TAF1B: variants seen among roughly 807,000 people sequenced by gnomAD.
The protein encoded by TAF1B is TATA box-binding protein-associated factor RNA polymerase I subunit B.
TAF1B carries 61 observed loss-of-function variants against 83.9 expected under a neutral mutation model. The observed-to-expected ratio is 0.73, with a 90% confidence interval of 0.59 to 0.90. The LOEUF is 0.90. Ranked by LOEUF, TAF1B falls within the 40% of genes least tolerant of loss-of-function variation. The pLI, the probability that TAF1B is intolerant of heterozygous loss-of-function variation, is 0.00. For synonymous variants in TAF1B, 221 were observed against 224.6 expected (o/e 0.98, Z 0.14); for missense variants, 625 against 677.0 (o/e 0.92, Z 0.85).
intron 4 of TAF1B, among the ~76,000 whole-genome samples, chr2:9,852,308 T>C (rs906926468): frequency 6.6e-6 from 1 of 152,244 alleles, no homozygotes; most frequent in Non-Finnish European, 1.5e-5. Flanking sequence ...TTGAATTTCA[T>C]ATTCCTTCAT....
intron 5 of TAF1B, among the ~76,000 whole-genome samples, chr2:9,863,030 C>T (rs1390266537): frequency 1.3e-5 from 2 of 152,188 alleles, no homozygotes; most frequent in Non-Finnish European, 2.9e-5. Context: ...GAAGAAACTG[C>T]ATCAACTAAC....
In TAF1B at chr2:9,845,118, A is replaced by T. The variant is rs76407483; in HGVS notation, c.19-102A>T. The T allele has an allele frequency of 0.056, 39,838 of 710,508 alleles. 1,356 individuals are homozygous for T. Among genetic ancestry groups the T allele is most frequent in the African/African-American group, 0.074 (4,055 of 55,158 alleles). 44.0% of individuals were successfully genotyped at this position (710,508 alleles called of 1,614,324 possible). On this transcript the variant is annotated intron_variant, in intron 1 of 14. Transcript: ENST00000263663. The stretch of plus-strand genomic sequence containing the variant: ...TTTTTATTGTCTATGATTTTTTATT[A>T]ATAAAGTTGCCAGGAACCCATTAAA...
intron 8 of TAF1B, among the ~76,000 whole-genome samples, chr2:9,896,639 AAAAG>A (rs1258475911): frequency 3.7e-5 from 5 of 133,942 alleles, no homozygotes; most frequent in Non-Finnish European, 5.2e-5. Context: ...AAAAAAAAAA[AAAAG>A]CTTTAAAAAC....
Position 9,910,777 on chromosome 2 carries a change from G to A in TAF1B, c.997G>A (p.Gly333Arg). The change falls in exon 10 of 15, where the codon GGA (glycine) becomes AGA (arginine). Residue 333 changes from glycine (G) to arginine (R), a missense_variant. Coordinates refer to ENST00000263663, the MANE Select transcript of TAF1B (RefSeq NM_005680.3). Reference protein sequence around the residue: ...SLTCHVVKMTGMGEVDFLTFD... With the variant: ...SLTCHVVKMTRMGEVDFLTFD... The stretch of plus-strand genomic sequence containing the variant: ...AACTTGCCACGTGGTAAAAATGACT[G>A]GAATGGGAGAAGTGGATTTTCTGAC... The A allele has an allele frequency of 6.2e-7, 1 of 1,612,818 alleles. No homozygotes were observed.
intron 2 of TAF1B, among the ~76,000 whole-genome samples, chr2:9,848,779 G>A (rs2125133967): frequency 6.6e-6 from 1 of 152,198 alleles, no homozygotes; most frequent in East Asian, 1.9e-4. Context: ...TTGTGGGAGA[G>A]CCAGAATCTT....
chr2:9,873,964 T>G (rs941420004), intron 6 of TAF1B, among the ~76,000 whole-genome samples: 2 of 152,092 alleles, frequency 1.3e-5, no homozygotes, highest in African/African-American at 4.8e-5. Flanking sequence ...GCTTCCATGT[T>G]TTAAAACTCT....
chr2:9,926,637 G>A (rs959278334), intron 14 of TAF1B, among the ~76,000 whole-genome samples: 24 of 152,000 alleles, frequency 1.6e-4, no homozygotes, highest in African/African-American at 5.5e-4. Context: ...TCAGGAGTTC[G>A]AGACCAGACT....
chr2:9,873,969 A>G (rs1664247909), intron 6 of TAF1B, among the ~76,000 whole-genome samples: 1 of 152,146 alleles, frequency 6.6e-6, no homozygotes, highest in East Asian at 1.9e-4. Context: ...CATGTTTTAA[A>G]ACTCTCCAGA....
intron 5 of TAF1B, among the ~76,000 whole-genome samples, chr2:9,855,441 G>T (rs1203141361): frequency 6.6e-6 from 1 of 152,174 alleles, no homozygotes; most frequent in Non-Finnish European, 1.5e-5. Flanking sequence ...CACTTTGAGA[G>T]GCTAGGGCAA....
intron 6 of TAF1B, chr2:9,868,766 A>G (rs1232999262): frequency 6.2e-6 from 3 of 487,530 alleles, no homozygotes; most frequent in Admixed American, 2.4e-5. Flanking sequence ...GAAAAATGTT[A>G]TTATGTAGCC....
chr2:9,904,944 A>G lies in TAF1B; in HGVS notation c.893A>G (p.Glu298Gly). 1.9e-6 allele frequency: 3 copies of G among 1,612,800 alleles called. No individual in the cohort carries two copies. Among genetic ancestry groups the G allele is most frequent in the Non-Finnish European group, 2.5e-6 (3 of 1,178,814 alleles). ...LDLPRFPDIT[E>G]DCYLHPNILC... ...TTGCCTCGTTTTCCAGACATAACTG[A>G]AGACTGCTATCTTCATCCCAACATA... is the stretch of plus-strand genomic sequence containing the variant. Residue 298 changes from glutamate to glycine, a missense_variant, in exon 9 of 15, where the codon GAA (glutamate) becomes GGA (glycine). Transcript: ENST00000263663.
At chr2:9,845,925 G>T (rs147246294) in intron 2 of TAF1B, 18,482 of 345,470 alleles carry the variant, frequency 0.053, 596 homozygotes, top group African/African-American at 0.073. Flanking sequence ...GGAGGTTGCA[G>T]TGAGACGAGA....
chr2:9,886,934 G>T (rs145440763), intron 8 of TAF1B, among the ~76,000 whole-genome samples: 1 of 152,054 alleles, frequency 6.6e-6, no homozygotes. Flanking sequence ...GCGTGGTGGC[G>T]CACAGCTTTA....
intron 1 of TAF1B, among the ~76,000 whole-genome samples, chr2:9,844,647 A>G (rs1663142663): frequency 6.6e-6 from 1 of 152,212 alleles, no homozygotes; most frequent in Non-Finnish European, 1.5e-5. Context: ...TGCTAGGCTG[A>G]TGAAATGAAT....
intron 7 of TAF1B, among the ~76,000 whole-genome samples, chr2:9,877,353 T>C (rs930693560): frequency 1.3e-4 from 20 of 152,168 alleles, no homozygotes; most frequent in African/African-American, 4.6e-4. Flanking sequence ...CCTTTTCCAG[T>C]GTTCTCTTTC....
chr2:9,845,051 T>C (rs137913826), intron 1 of TAF1B, among the ~76,000 whole-genome samples, 169 bp from the exon 2 acceptor site: 26 of 152,316 alleles, frequency 1.7e-4, no homozygotes, highest in Middle Eastern at 3.4e-3. Flanking sequence ...TTCGGTTTCA[T>C]ACCGCGCCTC....
chr2:9,843,865 C>T (rs1193354119), intron 1 of TAF1B: 5 of 246,824 alleles, frequency 2.0e-5, no homozygotes, highest in Non-Finnish European at 3.9e-5. Flanking sequence ...CCACAGGGCT[C>T]ATCCTCGAGA....
Position 9,911,507 on chromosome 2 carries a change from C to A in TAF1B, c.1134-4C>A. ...TAAATTGATTTGTTTATTGTTATCT[C>A]CAGGTCTTTGTCTAATCTTGCTGAA... On this transcript the variant is annotated splice_polypyrimidine_tract_variant and splice_region_variant and intron_variant, in intron 10 of 14. Coordinates refer to ENST00000263663, the MANE Select transcript of TAF1B (RefSeq NM_005680.3). The A allele has an allele frequency of 6.6e-7, 1 of 1,511,564 alleles. No homozygotes were observed. The highest frequency in any genetic ancestry group is 8.9e-7 in the Non-Finnish European group (1 of 1,123,482). 93.6% of individuals were successfully genotyped at this position (1,511,564 alleles called of 1,614,324 possible). A position where few individuals can be genotyped will look rare whatever the true frequency, so the allele number is the denominator to read the frequency against.
Position 9,888,793 on chromosome 2 carries a change from T to G in TAF1B, c.807+5988T>G, listed in dbSNP as rs78198530. Among the ~76,000 whole-genome samples the G allele has an allele frequency of 5.4e-3, 290 of 54,134 alleles. 6 individuals are homozygous for G. Among genetic ancestry groups the G allele is most frequent in the African/African-American group, 9.1e-3 (237 of 26,066 alleles). 35.5% of individuals were successfully genotyped at this position (54,134 alleles called of 152,430 possible). ...TTCTTTATGTTTCTTCTGCTTGGTT[T>G]TTTTTTTTTTTTTTTTTTTTTTTTT... On this transcript the variant is annotated intron_variant, in intron 8 of 14. Transcript: ENST00000263663.
Sources: gnomAD v4.1 joint callset for allele counts (sites outside exome capture counted in the v4.1 genomes callset) on GRCh38, gnomAD v4.1.1 for gene constraint, MANE v1.5 for transcripts, NCBI Gene and HGNC (gene_info 2026-07-23, HGNC 2026-07-21) for gene names.